Variants in ESRRG observed in about 807,000 individuals in gnomAD.
ESRRG encodes estrogen related receptor gamma, also known as estrogen-related receptor gamma.
A neutral mutation model predicts 44.0 loss-of-function variants in ESRRG; 13 were observed. The ratio of observed to expected loss-of-function variants is 0.30; its 90% CI spans 0.19 to 0.47. The LOEUF (loss-of-function observed/expected upper bound fraction) is 0.47. ESRRG is among the 20% of genes least tolerant of loss of function. ESRRG has a pLI of 1.00. For missense variants in ESRRG, 395 were observed against 580.6 expected, an observed-to-expected ratio of 0.68 and a Z score of 3.29; for synonymous variants, 215 against 214.6, an observed-to-expected ratio of 1.00 and a Z score of -0.02.
Position 217,010,390 on chromosome 1 carries a change from A to C in ESRRG, c.-105-70717T>G, listed in dbSNP as rs150454396. ...CTGAAATTTTTAAAGAGAAAGAGTGAAAAGCAACCCCACCCCTGCAGCCAA... is the reference window on the plus strand; with the variant it reads ...CTGAAATTTTTAAAGAGAAAGAGTGCAAAGCAACCCCACCCCTGCAGCCAA... On this transcript the variant is annotated intron_variant, in intron 1 of 7. Coordinates refer to the ESRRG transcript ENST00000359162. Among the ~76,000 whole-genome samples the C allele has an allele frequency of 5.1e-3, 780 of 152,316 alleles. 10 individuals carry two copies. The highest frequency in any genetic ancestry group is 0.018 in the African/African-American group (766 of 41,574).
intron 1 of ESRRG, among the ~76,000 whole-genome samples, chr1:217,064,931 G>A (rs755083765): frequency 6.6e-6 from 1 of 152,050 alleles, no homozygotes; most frequent in Non-Finnish European, 1.5e-5. Flanking sequence ...AATGAGGAAG[G>A]AGTAGGGACA....
intron 3 of ESRRG, among the ~76,000 whole-genome samples, chr1:216,582,139 T>C (rs2062898617): frequency 1.3e-5 from 2 of 152,224 alleles, no homozygotes; most frequent in Non-Finnish European, 2.9e-5. Flanking sequence ...TGTGATTTTG[T>C]AGGGCTTTAA....
At chr1:216,911,495 C>T (rs1288160403) in intron 2 of ESRRG, among the ~76,000 whole-genome samples, 2 of 152,258 alleles carry the variant, frequency 1.3e-5, no homozygotes, top group Admixed American at 1.3e-4. Context: ...TGAAACTACT[C>T]TGTATAATGT....
At chr1:216,997,577 C>T (rs2789562) in intron 1 of ESRRG, among the ~76,000 whole-genome samples, 152,231 of 152,364 alleles carry the variant, frequency 1, 76,049 homozygotes, top group Non-Finnish European at 1. Flanking sequence ...ATTATAGATT[C>T]TCTGTAACAA....
intron 2 of ESRRG, among the ~76,000 whole-genome samples, chr1:216,848,110 T>C (rs916681200): frequency 5.9e-5 from 9 of 152,074 alleles, no homozygotes; most frequent in Non-Finnish European, 1.3e-4. Flanking sequence ...ACTCCAGATA[T>C]TGGCAAATGT....
chr1:217,104,374 G>A (rs1473809412), intron 1 of ESRRG, among the ~76,000 whole-genome samples: 1 of 152,190 alleles, frequency 6.6e-6, no homozygotes, highest in Non-Finnish European at 1.5e-5. Flanking sequence ...TCAACTTGCA[G>A]TCAACATGGT....
At chr1:216,705,447 G>C (rs951381955) in intron 1 of ESRRG, among the ~76,000 whole-genome samples, 5 of 152,018 alleles carry the variant, frequency 3.3e-5, no homozygotes, top group Non-Finnish European at 7.4e-5. Flanking sequence ...ACACACAGTT[G>C]TTTTATTTTG....
chr1:216,992,166 C>T (rs1579180828), intron 1 of ESRRG, among the ~76,000 whole-genome samples: 1 of 152,346 alleles, frequency 6.6e-6, no homozygotes, highest in East Asian at 1.9e-4. Context: ...CTAAACCACA[C>T]ACAGTGCTTA....
intron 2 of ESRRG, among the ~76,000 whole-genome samples, chr1:216,808,934 T>G (rs1576782257): frequency 1.3e-5 from 2 of 151,890 alleles, no homozygotes; most frequent in South Asian, 2.1e-4. Context: ...TTTTCTCAAA[T>G]GGGAAAGAAA....
chr1:216,910,797 A>G (rs1197703138), intron 2 of ESRRG, among the ~76,000 whole-genome samples: 1 of 152,194 alleles, frequency 6.6e-6, no homozygotes, highest in Non-Finnish European at 1.5e-5. Context: ...TTACTATATT[A>G]AAAACTTGCC....
intron 3 of ESRRG, among the ~76,000 whole-genome samples, chr1:216,616,198 C>G (rs554781704): frequency 6.6e-6 from 1 of 152,134 alleles, no homozygotes; most frequent in African/African-American, 2.4e-5. Context: ...TGTGTGCCCA[C>G]AGAGACTTGG....
chr1:216,539,202 A>G (rs2051929649), intron 5 of ESRRG, among the ~76,000 whole-genome samples: 1 of 151,926 alleles, frequency 6.6e-6, no homozygotes, highest in Non-Finnish European at 1.5e-5. Flanking sequence ...GATTTTATAT[A>G]TATATATATA....
chr1:216,977,341 T>TATACACACACACACAC (rs146010546), intron 1 of ESRRG, among the ~76,000 whole-genome samples: 8,407 of 143,698 alleles, frequency 0.059, 328 homozygotes, highest in Non-Finnish European at 0.071. Context: ...GGAGGATACA[T>TATACACACACACACAC]ACACACACAC....
intron 2 of ESRRG, among the ~76,000 whole-genome samples, chr1:216,907,113 A>G (rs2149537308): frequency 6.6e-6 from 1 of 152,342 alleles, no homozygotes; most frequent in Admixed American, 6.5e-5. Flanking sequence ...GTAATACTCT[A>G]CGTTGTAAAC....
intron 1 of ESRRG, among the ~76,000 whole-genome samples, chr1:217,111,031 G>A (rs1432667850): frequency 6.6e-6 from 1 of 152,190 alleles, no homozygotes. Context: ...GTTAGTGAGT[G>A]TTCCAGAAGA....
chr1:216,779,209 AAATATATATTT>A (rs1559602692), intron 2 of ESRRG, among the ~76,000 whole-genome samples: 6 of 63,108 alleles, frequency 9.5e-5, no homozygotes, highest in Non-Finnish European at 1.3e-4. Flanking sequence ...TTATAAATAT[AAATATATATTT>A]ATATTTATAA....
intron 2 of ESRRG, among the ~76,000 whole-genome samples, chr1:216,934,846 C>T (rs1487026777): frequency 6.6e-6 from 1 of 152,100 alleles, no homozygotes; most frequent in Non-Finnish European, 1.5e-5. Flanking sequence ...ATTGGTGACT[C>T]TTTTGATAGT....
intron 5 of ESRRG, among the ~76,000 whole-genome samples, chr1:216,544,046 G>A (rs2053710954): frequency 6.6e-6 from 1 of 151,954 alleles, no homozygotes; most frequent in Non-Finnish European, 1.5e-5. Context: ...TAAACTTTGG[G>A]TCTTGGTTTC....
intron 1 of ESRRG, among the ~76,000 whole-genome samples, chr1:216,706,935 G>T (rs2082574441): frequency 6.6e-6 from 1 of 152,178 alleles, no homozygotes. Context: ...ACAGAGAACT[G>T]CTTTGAATTC....
Sources: allele counts gnomAD v4.1 joint callset (sites outside exome capture counted in the v4.1 genomes callset), GRCh38; gene constraint gnomAD v4.1.1; transcripts MANE v1.5; gene names NCBI Gene and HGNC (gene_info 2026-07-23, HGNC 2026-07-21).